The following SIPA1L2 variants were observed in gnomAD, a reference collection of about 807,000 sequenced individuals.
SIPA1L2 encodes signal-induced proliferation-associated 1-like protein 2.
In SIPA1L2, 56 loss-of-function variants were observed where a neutral mutation model predicts 163.9. The observed-to-expected ratio is 0.34, with a 90% CI of 0.28 to 0.43. The LOEUF is 0.43. Among genes scored for constraint, SIPA1L2 ranks in the 20% least tolerant of loss-of-function variants. SIPA1L2 has a pLI of 1.00. For synonymous variants in SIPA1L2, 877 were observed against 865.7 expected, an observed-to-expected ratio of 1.01 and a Z score of -0.23; for missense variants, 1,974 against 2,193.5, an observed-to-expected ratio of 0.90 and a Z score of 2.00.
chr1:232,485,717 C>T (rs1189559619), intron 5 of SIPA1L2, among the ~76,000 whole-genome samples: 1 of 152,138 alleles, frequency 6.6e-6, no homozygotes, highest in African/African-American at 2.4e-5. Flanking sequence ...TAAAATGTGG[C>T]CTGAAAATGA....
rs547095016 is a variant in SIPA1L2, at chr1:232,500,203, C to T, written c.1484-6543G>A. Among the ~76,000 whole-genome samples, 102 of 152,328 alleles carry T rather than the reference C, an allele frequency of 6.7e-4. 1 individual carries two copies. Among genetic ancestry groups the T allele is most frequent in the African/African-American group, 2.4e-3 (100 of 41,570 alleles). ...GCTTATTGACAACGCATCTCATCAC[C>T]CAAGAGCTCTGACAGAAATATATAA... On this transcript the variant is annotated intron_variant, in intron 3 of 22. Transcript: ENST00000674635.
chr1:232,420,289 C>T (rs1468651548), intron 18 of SIPA1L2, among the ~76,000 whole-genome samples: 1 of 152,036 alleles, frequency 6.6e-6, no homozygotes, highest in African/African-American at 2.4e-5. Context: ...CGCCACTGCA[C>T]TCCAGCTTGA....
rs906560370 is a variant in SIPA1L2 at position 232,573,409 on chromosome 1, A to G, written c.-270+765T>C. On this transcript the variant is annotated intron_variant, in intron 2 of 22. Coordinates refer to ENST00000674635, the MANE Select transcript of SIPA1L2 (RefSeq NM_020808.5). ...AGGGGTAAAAGGTCATGAAGTTTGT[A>G]ACCTGAAAACTGTGTGTGTGGGTGC... Among the ~76,000 whole-genome samples, 10 of 152,172 alleles carry G rather than the reference A, an allele frequency of 6.6e-5. No individual in the cohort carries two copies. The East Asian group carries it at 1.7e-3, about 26-fold the overall frequency.
intron 19 of SIPA1L2, among the ~76,000 whole-genome samples, chr1:232,412,176 C>T (rs1660994280): frequency 6.6e-6 from 1 of 152,084 alleles, no homozygotes; most frequent in South Asian, 2.1e-4. Flanking sequence ...CAACTTTAGC[C>T]CTTAAATGAA....
intron 1 of SIPA1L2, among the ~76,000 whole-genome samples, chr1:232,615,544 G>A (rs1263656632): frequency 6.6e-6 from 1 of 152,190 alleles, no homozygotes; most frequent in Non-Finnish European, 1.5e-5. Flanking sequence ...TTGCTCCCAA[G>A]AAACCCTCTG....
intron 15 of SIPA1L2, among the ~76,000 whole-genome samples, chr1:232,438,198 T>C (rs112165988): frequency 0.012 from 1,896 of 152,184 alleles, 38 homozygotes; most frequent in African/African-American, 0.043. Context: ...TTGAGCACCA[T>C]CATTTGGAGA....
chr1:232,620,200 C>G (rs970946033), intron 1 of SIPA1L2, among the ~76,000 whole-genome samples: 2 of 152,044 alleles, frequency 1.3e-5, no homozygotes, highest in Non-Finnish European at 2.9e-5. Context: ...TTTAAATTAC[C>G]ATTTTTCTCC....
intron 7 of SIPA1L2, among the ~76,000 whole-genome samples, chr1:232,477,404 T>C (rs1465466134): frequency 2.6e-5 from 4 of 152,210 alleles, no homozygotes; most frequent in Non-Finnish European, 5.9e-5. Flanking sequence ...TAATTCTCTA[T>C]CTCCTAAGAA....
chr1:232,521,951 C>T (rs901261708), intron 2 of SIPA1L2, among the ~76,000 whole-genome samples: 2 of 152,142 alleles, frequency 1.3e-5, no homozygotes, highest in African/African-American at 4.8e-5. Flanking sequence ...CTCCTGCCTA[C>T]CCCTCCCTGC....
At chr1:232,628,772 ATGTC>A (rs1663213196) in intron 1 of SIPA1L2, among the ~76,000 whole-genome samples, 1 of 152,218 alleles carries the variant, frequency 6.6e-6, no homozygotes, top group Non-Finnish European at 1.5e-5. Context: ...AGTTTACTAA[ATGTC>A]TGTCATAAGA....
chr1:232,598,807 G>A (rs1403324754), intron 1 of SIPA1L2, among the ~76,000 whole-genome samples: 1 of 152,068 alleles, frequency 6.6e-6, no homozygotes, highest in East Asian at 1.9e-4. Flanking sequence ...TGGAAGTGAG[G>A]ATTTTCAACA....
At chr1:232,605,147 G>C (rs1661827478) in intron 1 of SIPA1L2, among the ~76,000 whole-genome samples, 1 of 152,068 alleles carries the variant, frequency 6.6e-6, no homozygotes, top group Non-Finnish European at 1.5e-5. Flanking sequence ...TGAGTAGCTA[G>C]GACTATAGGC....
chr1:232,472,866 T>C (rs1439239658), intron 7 of SIPA1L2, among the ~76,000 whole-genome samples: 4 of 152,196 alleles, frequency 2.6e-5, no homozygotes, highest in Non-Finnish European at 4.4e-5. Flanking sequence ...TTTAGCATGA[T>C]AAAAGGCCTG....
chr1:232,419,354 G>C (rs1163235701), intron 18 of SIPA1L2, among the ~76,000 whole-genome samples: 1 of 152,070 alleles, frequency 6.6e-6, no homozygotes, highest in East Asian at 1.9e-4. Flanking sequence ...CATGTAACTG[G>C]GAAAATTACT....
Position 232,441,878 on chromosome 1 carries a change from A to T in SIPA1L2, c.3438-10T>A. 6.2e-7 allele frequency: 1 copy of T among 1,607,396 alleles called. No homozygotes were observed. The highest frequency in any genetic ancestry group is 8.5e-7 in the Non-Finnish European group (1 of 1,176,082). On this transcript the variant is annotated splice_polypyrimidine_tract_variant and intron_variant, in intron 12 of 22. Transcript: ENST00000674635. ...TAGAGGGGACTGGCACCTGAAAAGA[A>T]CACAGAGTTGAGCCTGTCCTTTCTC... is the stretch of plus-strand genomic sequence containing the variant.
At chr1:232,568,177 G>C (rs1392214493) in intron 2 of SIPA1L2, among the ~76,000 whole-genome samples, 3 of 152,214 alleles carry the variant, frequency 2.0e-5, no homozygotes, top group African/African-American at 7.2e-5. Flanking sequence ...CGAGGGCGTT[G>C]TGGAAACCCC....
chr1:232,610,009 AG>A (rs1662161546), intron 1 of SIPA1L2, among the ~76,000 whole-genome samples: 1 of 152,182 alleles, frequency 6.6e-6, no homozygotes, highest in South Asian at 2.1e-4. Context: ...AAGTTATGAG[AG>A]TAACTGTGAC....
chr1:232,423,817 T>C (rs1661717909), intron 18 of SIPA1L2, among the ~76,000 whole-genome samples: 1 of 152,128 alleles, frequency 6.6e-6, no homozygotes, highest in Non-Finnish European at 1.5e-5. Context: ...AGAAATGAGC[T>C]ATCAAACCAT....
intron 2 of SIPA1L2, among the ~76,000 whole-genome samples, chr1:232,527,981 A>AT (rs1337978137): frequency 6.6e-6 from 1 of 150,414 alleles, no homozygotes; most frequent in African/African-American, 2.4e-5. Flanking sequence ...AAGTTAATGA[A>AT]TAAGAGTTGG....
Sources: gnomAD v4.1 joint callset for allele counts (sites outside exome capture counted in the v4.1 genomes callset) on GRCh38, gnomAD v4.1.1 for gene constraint, MANE v1.5 for transcripts, NCBI Gene and HGNC (gene_info 2026-07-23, HGNC 2026-07-21) for gene names.